Variants in PRKG1 observed in about 807,000 individuals in gnomAD.
The protein encoded by PRKG1 is cGMP-dependent protein kinase 1.
In PRKG1, 35 loss-of-function variants were observed where a neutral mutation model predicts 88.1. That is an observed-to-expected ratio of 0.40 (90% CI 0.30 to 0.53). The LOEUF (loss-of-function observed/expected upper bound fraction) is 0.53, where lower values mean the gene tolerates loss of function less well. Among genes scored for constraint, PRKG1 ranks in the 20% least tolerant of loss-of-function variants. The pLI is 0.59. For synonymous variants in PRKG1, 303 were observed against 292.5 expected (o/e 1.04, Z -0.37); for missense variants, 540 against 839.8 (o/e 0.64, Z 4.41).
intron 2 of PRKG1, among the ~76,000 whole-genome samples, chr10:51,184,351 G>T (rs376747607): frequency 1.3e-5 from 2 of 152,118 alleles, no homozygotes; most frequent in East Asian, 3.9e-4. Context: ...TTAACAATTT[G>T]TTCTTACCAG....
At chr10:52,106,131 T>C (rs1217415717) in intron 7 of PRKG1, among the ~76,000 whole-genome samples, 1 of 152,204 alleles carries the variant, frequency 6.6e-6, no homozygotes, top group Non-Finnish European at 1.5e-5. Flanking sequence ...CCACCCAGAA[T>C]GCTTATTTTA....
intron 2 of PRKG1, among the ~76,000 whole-genome samples, chr10:51,156,297 G>A (rs1589201867): frequency 2.8e-5 from 1 of 35,134 alleles, no homozygotes; most frequent in Non-Finnish European, 5.5e-5. Flanking sequence ...TTTGATGCAA[G>A]CACACACACA....
chr10:51,737,186 A>G (rs1473328701), intron 3 of PRKG1, among the ~76,000 whole-genome samples: 1 of 152,172 alleles, frequency 6.6e-6, no homozygotes, highest in African/African-American at 2.4e-5. Context: ...GGCTACCTTG[A>G]GAAATCAGTT....
intron 2 of PRKG1, among the ~76,000 whole-genome samples, chr10:51,277,461 A>C (rs1354693618): frequency 2.0e-5 from 3 of 150,874 alleles, no homozygotes; most frequent in Non-Finnish European, 4.4e-5. Flanking sequence ...TTTTGGTTCC[A>C]TATGAACTTT....
chr10:52,273,493 T>A (rs74135386), intron 12 of PRKG1, among the ~76,000 whole-genome samples: 2,240 of 152,186 alleles, frequency 0.015, 48 homozygotes, highest in African/African-American at 0.051. Flanking sequence ...ACTTTGCAGA[T>A]ACCCCAGAAT....
At chr10:52,188,143 C>T (rs1197695108) in intron 9 of PRKG1, among the ~76,000 whole-genome samples, 1 of 150,006 alleles carries the variant, frequency 6.7e-6, no homozygotes, top group Non-Finnish European at 1.5e-5. Flanking sequence ...TTGCTTTGTG[C>T]ACTTTTTCAT....
At chr10:51,112,322 A>G (rs1256187495) in intron 1 of PRKG1, among the ~76,000 whole-genome samples, 3 of 152,162 alleles carry the variant, frequency 2.0e-5, no homozygotes. Context: ...AGCAGAAAAA[A>G]AGCTTTCGGG....
At chr10:51,439,001 A>AT (rs142070764) in intron 2 of PRKG1, among the ~76,000 whole-genome samples, 3,311 of 127,842 alleles carry the variant, frequency 0.026, 110 homozygotes, top group African/African-American at 0.076. Flanking sequence ...ACTAATTGGG[A>AT]TTTTTTTTTT....
chr10:52,237,812 A>C (rs2132368410), intron 9 of PRKG1, among the ~76,000 whole-genome samples: 1 of 139,850 alleles, frequency 7.2e-6, no homozygotes. Context: ...AGAATTGGAA[A>C]AAACTACTTT....
chr10:51,437,635 G>T (rs1293219217), intron 2 of PRKG1, among the ~76,000 whole-genome samples: 1 of 151,658 alleles, frequency 6.6e-6, no homozygotes, highest in Non-Finnish European at 1.5e-5. Flanking sequence ...ATTATCTTTC[G>T]GGAAGCCCAA....
At chr10:52,170,597 G>T (rs1037475118) in intron 9 of PRKG1, among the ~76,000 whole-genome samples, 2 of 152,142 alleles carry the variant, frequency 1.3e-5, no homozygotes, top group African/African-American at 4.8e-5. Flanking sequence ...AGGGAGTATT[G>T]CCTACCTGTG....
intron 3 of PRKG1, among the ~76,000 whole-genome samples, chr10:51,594,186 T>C (rs973332532): frequency 1.3e-5 from 2 of 152,046 alleles, no homozygotes; most frequent in African/African-American, 2.4e-5. Flanking sequence ...AACATGCCCA[T>C]CTAATTTTTT....
At chr10:51,037,268 C>T (rs551175455) in intron 1 of PRKG1, among the ~76,000 whole-genome samples, 35 of 147,794 alleles carry the variant, frequency 2.4e-4, no homozygotes, top group Admixed American at 2.0e-3. Context: ...GGCAACATAG[C>T]GAGACCTCCC....
At chr10:51,412,911 C>A (rs922893189) in intron 2 of PRKG1, among the ~76,000 whole-genome samples, 43 of 152,044 alleles carry the variant, frequency 2.8e-4, no homozygotes, top group African/African-American at 1.0e-3. Flanking sequence ...AAGGTTGAGA[C>A]AGTGAGGAAA....
intron 9 of PRKG1, among the ~76,000 whole-genome samples, chr10:52,215,067 TG>T (rs1840076413): frequency 6.7e-6 from 1 of 149,750 alleles, no homozygotes; most frequent in Non-Finnish European, 1.5e-5. Context: ...AGCATGAAGA[TG>T]CCATTTTGGA....
chr10:51,297,350 T>C (rs1442338847), intron 2 of PRKG1, among the ~76,000 whole-genome samples: 1 of 152,090 alleles, frequency 6.6e-6, no homozygotes. Context: ...TAGAAAAACT[T>C]TACTATCTGG....
chr10:51,593,796 C>T (rs1010358044), intron 3 of PRKG1, among the ~76,000 whole-genome samples: 2 of 151,868 alleles, frequency 1.3e-5, no homozygotes, highest in Non-Finnish European at 2.9e-5. Context: ...GTGATCTTGG[C>T]TCACTGCAAC....
At chr10:51,068,936 A>G (rs890440366) in intron 1 of PRKG1, among the ~76,000 whole-genome samples, 3 of 151,982 alleles carry the variant, frequency 2.0e-5, no homozygotes, top group African/African-American at 7.2e-5. Context: ...CACTTATTTC[A>G]AAATACAAAA....
chr10:52,156,836 A>G (rs1838120108), intron 8 of PRKG1, among the ~76,000 whole-genome samples: 2 of 151,712 alleles, frequency 1.3e-5, no homozygotes, highest in African/African-American at 2.4e-5. Context: ...AACTTTCTAC[A>G]TTTTTAAATA....
Sources: gnomAD v4.1 joint callset for allele counts (sites outside exome capture counted in the v4.1 genomes callset) on GRCh38, gnomAD v4.1.1 for gene constraint, MANE v1.5 for transcripts, NCBI Gene and HGNC (gene_info 2026-07-23, HGNC 2026-07-21) for gene names.